The following ASAH2 variants were observed in gnomAD, a reference collection of about 807,000 sequenced individuals.
The protein encoded by ASAH2 is N-acylsphingosine amidohydrolase 2.
ASAH2 carries 58 observed loss-of-function variants against 82.9 expected under a neutral mutation model. That is an observed-to-expected ratio of 0.70 (90% CI 0.57 to 0.87). The LOEUF (loss-of-function observed/expected upper bound fraction) is 0.87, where lower values mean the gene tolerates loss of function less well. Among genes scored for constraint, ASAH2 ranks in the 40% least tolerant of loss-of-function variants. ASAH2 has a pLI of 0.00. For synonymous variants in ASAH2, 276 were observed against 289.7 expected, an observed-to-expected ratio of 0.95 and a Z score of 0.48; for missense variants, 779 against 834.0, an observed-to-expected ratio of 0.93 and a Z score of 0.81.
At chr10:50,231,523 G>A (rs1846022239) in intron 7 of ASAH2, among the ~76,000 whole-genome samples, 1 of 152,060 alleles carries the variant, frequency 6.6e-6, no homozygotes, top group Non-Finnish European at 1.5e-5. Flanking sequence ...CTATATATTT[G>A]TCTCTGTCTC....
chr10:50,199,017 C>T lies in ASAH2; in HGVS notation c.1857+34G>A, dbSNP rs3739970. On this transcript the variant is annotated intron_variant, in intron 17 of 20. Coordinates refer to ENST00000682911, the MANE Select transcript of ASAH2 (RefSeq NM_019893.4). ...ACACACACACACACACACACACGCA[C>T]GCGCGCATGCACGCACAAACAATAT... 1.5e-3 allele frequency: 2,447 copies of T among 1,594,624 alleles called. 73 individuals are homozygous for T. In the East Asian group the frequency reaches 0.049, roughly 32 times the overall value.
Position 50,234,463 on chromosome 10 carries a change from C to A in ASAH2, c.777G>T (p.Pro259=), listed in dbSNP as rs764338050. The change falls in exon 6 of 21, where the codon CCG becomes CCT. Residue 259 remains proline, a synonymous_variant. Coordinates refer to ENST00000682911, the MANE Select transcript of ASAH2 (RefSeq NM_019893.4). ...ACTGCGGATTTTGAAGGTAAGAATA[C>A]GGACTTCTGTTGATCTGCACACCAT... The part of the protein sequence containing the change: ...NVDGVQINRS[P]YSYLQNPQSE... 1.9e-6 allele frequency: 3 copies of A among 1,612,850 alleles called. No homozygotes were observed. The South Asian group carries it at 3.3e-5, about 18-fold the overall frequency.
At chr10:50,207,908 A>G (rs947916609) in intron 12 of ASAH2, among the ~76,000 whole-genome samples, 1 of 151,934 alleles carries the variant, frequency 6.6e-6, no homozygotes, top group Non-Finnish European at 1.5e-5. Flanking sequence ...ACAAAAACCT[A>G]CAACAAAATA....
rs1719879480 is a variant in ASAH2 at position 50,214,746 on chromosome 10, A to G, written c.1137T>C (p.Gly379=). 3 of 1,613,656 alleles carry G rather than the reference A, an allele frequency of 1.9e-6. No homozygotes were observed. In the Admixed American group the frequency reaches 5.0e-5, roughly 27 times the overall value. Residue 379 remains glycine, a synonymous_variant, in exon 9 of 21, where the codon GGT becomes GGC. Coordinates refer to ENST00000682911, the MANE Select transcript of ASAH2 (RefSeq NM_019893.4). ...CDNANSTCPI[G]GPSMCIAKGP... ...TTCATGTGTCATAATTACCTACCCC[A>G]CCAATGGGACAAGTGCTATTGGCGT...
At chr10:50,222,528 C>A (rs989756857) in intron 7 of ASAH2, among the ~76,000 whole-genome samples, 1 of 152,180 alleles carries the variant, frequency 6.6e-6, no homozygotes, top group Non-Finnish European at 1.5e-5. Flanking sequence ...GATCCTCCTG[C>A]CTCACCTTCC....
chr10:50,222,813 G>A (rs1845782058), intron 7 of ASAH2, among the ~76,000 whole-genome samples: 1 of 152,100 alleles, frequency 6.6e-6, no homozygotes, highest in South Asian at 2.1e-4. Context: ...ATGCAGAAAG[G>A]TGATCATTTT....
intron 12 of ASAH2, among the ~76,000 whole-genome samples, chr10:50,210,615 A>G (rs907696512): frequency 5.3e-5 from 8 of 152,328 alleles, no homozygotes; most frequent in Non-Finnish European, 1.2e-4. Flanking sequence ...AAGTGTCCAG[A>G]ATAGGAAAAT....
rs1216477172 is a variant in ASAH2 at position 50,218,559 on chromosome 10, G to A, written c.965C>T (p.Ala322Val). ...HLVNSDNVGY[A>V]SYLLEQEKNK... The stretch of plus-strand genomic sequence containing the variant: ...CTTCTCTTGCTCAAGCAGGTAAGAT[G>A]CATAGCCCACATTGTCACTGTTTAC... Residue 322 changes from alanine (A) to valine (V), a missense_variant, in exon 8 of 21, where the codon GCA (alanine) becomes GTA (valine). By Grantham distance (64) the Ala-to-Val change is moderately conservative. Around this residue, in one of 3 missense-constraint regions of ASAH2, gnomAD observed 759 missense variants for 755.2 expected, o/e 1.00. Coordinates refer to ENST00000682911, the MANE Select transcript of ASAH2 (RefSeq NM_019893.4). The A allele has an allele frequency of 3.7e-6, 6 of 1,613,580 alleles. No homozygotes were observed. The Middle Eastern group carries it at 6.6e-4, about 177-fold the overall frequency.
chr10:50,246,798 A>C (rs1846469343), intron 2 of ASAH2, among the ~76,000 whole-genome samples: 1 of 152,220 alleles, frequency 6.6e-6, no homozygotes, highest in South Asian at 2.1e-4. Context: ...AAATATTGCA[A>C]GGAGTGGAGC....
At chr10:50,223,905 A>T (rs1290371691) in intron 7 of ASAH2, among the ~76,000 whole-genome samples, 2 of 152,170 alleles carry the variant, frequency 1.3e-5, no homozygotes, top group African/African-American at 4.8e-5. Context: ...ACTAGAAGCT[A>T]AAAGAGATGC....
In ASAH2 at chr10:50,240,561, T is replaced by TCTCA. The variant is rs1417046234; in HGVS notation, c.510+2640_510+2641insTGAG. ...CTCAGAGTCCATATCACCCACAGAA[T>TCTCA]TAAAAACAAGCTGGCATCTCAAGGC... is the stretch of plus-strand genomic sequence containing the variant. On this transcript the variant is annotated intron_variant, in intron 4 of 20. Coordinates refer to ENST00000682911, the MANE Select transcript of ASAH2 (RefSeq NM_019893.4). 3.1e-5 allele frequency: 22 copies of TCTCA among 702,144 alleles called. No individual in the cohort carries two copies. The East Asian group carries it at 5.9e-4, about 19-fold the overall frequency. 43.5% of individuals were successfully genotyped at this position (702,144 alleles called of 1,614,324 possible).
At chr10:50,241,021 T>G (rs963359676) in intron 4 of ASAH2, among the ~76,000 whole-genome samples, 1 of 152,240 alleles carries the variant, frequency 6.6e-6, no homozygotes, top group Admixed American at 6.5e-5. Context: ...TCCTCCTTGC[T>G]CATTCTCTTG....
At chr10:50,228,185 A>T (rs1288097759) in intron 7 of ASAH2, among the ~76,000 whole-genome samples, 1 of 152,226 alleles carries the variant, frequency 6.6e-6, no homozygotes, top group East Asian at 1.9e-4. Flanking sequence ...AAAGCAATAA[A>T]TAAAATAAAC....
chr10:50,209,862 G>A (rs1259952209), intron 12 of ASAH2, among the ~76,000 whole-genome samples: 1 of 152,118 alleles, frequency 6.6e-6, no homozygotes, highest in Admixed American at 6.6e-5. Flanking sequence ...CACTAAGGTA[G>A]CTAGATTCAG....
chr10:50,194,360 A>G (rs1844919486), intron 18 of ASAH2, among the ~76,000 whole-genome samples: 1 of 151,798 alleles, frequency 6.6e-6, no homozygotes. Context: ...GAATGTAAAT[A>G]CCTTATTAAA....
At chr10:50,219,335 G>A (rs932663002) in intron 7 of ASAH2, among the ~76,000 whole-genome samples, 46 of 152,262 alleles carry the variant, frequency 3.0e-4, no homozygotes, top group African/African-American at 1.1e-3. Flanking sequence ...ACACAACTCT[G>A]AGAGACAGGC....
Position 50,196,856 on chromosome 10 carries a change from A to C in ASAH2, c.1921T>G (p.Leu641Val), listed in dbSNP as rs1844999261. 6.2e-7 allele frequency: 1 copy of C among 1,611,056 alleles called. No homozygotes were observed. The highest frequency in any genetic ancestry group is 1.3e-5 in the African/African-American group (1 of 74,532). The change falls in exon 18 of 21, where the codon TTA becomes GTA. Residue 641 changes from leucine to valine, a missense_variant. By Grantham distance (32) the Leu-to-Val change is conservative (BLOSUM62 1). Around this residue, in one of 3 missense-constraint regions of ASAH2, gnomAD observed 6 missense variants for 62.6 expected, o/e 0.10. Coordinates refer to ENST00000682911, the MANE Select transcript of ASAH2 (RefSeq NM_019893.4). ...GCTCTATCCACAATACTAGGAATTA[A>C]TGGAACTATTAATTGTTTGAAAAAG... The part of the protein sequence containing the change: ...PPFFKQLIVP[L>V]IPSIVDRAPK...
intron 8 of ASAH2, among the ~76,000 whole-genome samples, chr10:50,215,271 C>T (rs986733529): frequency 2.2e-4 from 33 of 151,466 alleles, no homozygotes; most frequent in Non-Finnish European, 4.1e-4. Flanking sequence ...GGTCCAGTTT[C>T]GGTTTTCTGC....
chr10:50,220,135 CAA>C (rs1173649499), intron 7 of ASAH2, among the ~76,000 whole-genome samples: 1 of 151,880 alleles, frequency 6.6e-6, no homozygotes, highest in African/African-American at 2.4e-5. Flanking sequence ...AACAAACAAA[CAA>C]AAAAAGACTT....
Sources: allele counts gnomAD v4.1 joint callset (sites outside exome capture counted in the v4.1 genomes callset), GRCh38; gene constraint gnomAD v4.1.1; regional missense constraint gnomAD v4.1.1; transcripts MANE v1.5; gene names NCBI Gene and HGNC (gene_info 2026-07-23, HGNC 2026-07-21).